Variants in EXOC4 observed in about 807,000 individuals in gnomAD.
EXOC4 encodes SEC8-like 1.
EXOC4 carries 71 observed loss-of-function variants against 107.2 expected under a neutral mutation model. The observed-to-expected ratio is 0.66, with a 90% confidence interval of 0.55 to 0.81. The LOEUF (loss-of-function observed/expected upper bound fraction) is 0.81, where lower values mean the gene tolerates loss of function less well. Ranked by LOEUF, EXOC4 falls within the 30% of genes least tolerant of loss-of-function variation. EXOC4 has a pLI of 0.00. For synonymous variants in EXOC4, 456 were observed against 441.2 expected (o/e 1.03, Z -0.42); for missense variants, 1,108 against 1,189.6 (o/e 0.93, Z 1.01).
intron 9 of EXOC4, among the ~76,000 whole-genome samples, chr7:133,570,587 G>A (rs1801002771): frequency 6.6e-6 from 1 of 152,162 alleles, no homozygotes; most frequent in African/African-American, 2.4e-5. Context: ...GATGCAGATG[G>A]CTCTTGTGGC....
chr7:133,988,725 A>G (rs1376555608), intron 14 of EXOC4, among the ~76,000 whole-genome samples: 1 of 152,180 alleles, frequency 6.6e-6, no homozygotes, highest in Non-Finnish European at 1.5e-5. Flanking sequence ...ATCATGAGAC[A>G]GCATGATATG....
chr7:133,375,540 A>G (rs545512598), intron 7 of EXOC4, among the ~76,000 whole-genome samples: 1 of 152,186 alleles, frequency 6.6e-6, no homozygotes, highest in African/African-American at 2.4e-5. Flanking sequence ...GCATATTCTC[A>G]ATATGTATAG....
chr7:133,420,953 A>G (rs962242357), intron 7 of EXOC4, among the ~76,000 whole-genome samples: 2 of 150,810 alleles, frequency 1.3e-5, no homozygotes, highest in South Asian at 2.1e-4. Flanking sequence ...GTAATTTCCT[A>G]ACTTGGGCTT....
chr7:133,758,434 C>T (rs1054220835), intron 10 of EXOC4, among the ~76,000 whole-genome samples: 4 of 152,154 alleles, frequency 2.6e-5, no homozygotes, highest in South Asian at 2.1e-4. Context: ...CCACCGTGCC[C>T]GGCCCATAGT....
At chr7:133,355,681 T>G (rs914779661) in intron 5 of EXOC4, among the ~76,000 whole-genome samples, 116 of 152,234 alleles carry the variant, frequency 7.6e-4, no homozygotes, top group African/African-American at 2.7e-3. Context: ...CAGAAGCCTT[T>G]CATGGATTAT....
At chr7:134,084,663 C>G in the EXOC4 span, among the ~76,000 whole-genome samples, 1 of 143,158 alleles carries the variant, frequency 7.0e-6, no homozygotes, top group Non-Finnish European at 1.5e-5. Context: ...TTTCCAAGTG[C>G]TCAAAGAGAG....
intron 5 of EXOC4, among the ~76,000 whole-genome samples, chr7:133,319,549 G>A (rs1795064030): frequency 6.6e-6 from 1 of 152,142 alleles, no homozygotes; most frequent in Non-Finnish European, 1.5e-5. Flanking sequence ...GAGTGCAGTG[G>A]TGCGATCTCG....
At chr7:133,424,184 C>A (rs552678272) in intron 7 of EXOC4, among the ~76,000 whole-genome samples, 1 of 152,274 alleles carries the variant, frequency 6.6e-6, no homozygotes, top group African/African-American at 2.4e-5. Context: ...CTTCCACGCT[C>A]TGGTAGCTTT....
chr7:133,705,042 A>C (rs998095332), intron 10 of EXOC4, among the ~76,000 whole-genome samples: 1 of 152,182 alleles, frequency 6.6e-6, no homozygotes, highest in Non-Finnish European at 1.5e-5. Flanking sequence ...ACTTAGCAGA[A>C]AAGCCGGGTA....
At chr7:133,454,906 C>T (rs1798428935) in intron 7 of EXOC4, among the ~76,000 whole-genome samples, 1 of 152,042 alleles carries the variant, frequency 6.6e-6, no homozygotes, top group African/African-American at 2.4e-5. Context: ...CAAGACAAGC[C>T]TGAGCAACGT....
chr7:133,718,379 T>C (rs887836446), intron 10 of EXOC4, among the ~76,000 whole-genome samples: 1 of 152,190 alleles, frequency 6.6e-6, no homozygotes, highest in Non-Finnish European at 1.5e-5. Context: ...TGTCAGCTGC[T>C]TTCCTAGTAC....
At chr7:133,575,291 C>T (rs1302463628) in intron 9 of EXOC4, among the ~76,000 whole-genome samples, 1 of 152,154 alleles carries the variant, frequency 6.6e-6, no homozygotes, top group African/African-American at 2.4e-5. Context: ...CTTCAGCACA[C>T]ATTTATTTAC....
intron 6 of EXOC4, among the ~76,000 whole-genome samples, chr7:133,365,382 T>G (rs1451467329): frequency 6.6e-6 from 1 of 152,170 alleles, no homozygotes; most frequent in East Asian, 1.9e-4. Flanking sequence ...GATACTTTAA[T>G]TCAAAGAAAT....
At chr7:133,283,134 C>T (rs892648219) in intron 2 of EXOC4, among the ~76,000 whole-genome samples, 5 of 152,176 alleles carry the variant, frequency 3.3e-5, no homozygotes, top group East Asian at 1.9e-4. Flanking sequence ...GAGACAGGGT[C>T]GCACTCTGTT....
the EXOC4 span, among the ~76,000 whole-genome samples, chr7:134,092,063 G>C: frequency 6.6e-6 from 1 of 152,194 alleles, no homozygotes; most frequent in Admixed American, 6.5e-5. Context: ...AAGCATTTTG[G>C]ATAAGGGATA....
Position 133,358,999 on chromosome 7 carries a change from G to A in EXOC4, c.1007+2426G>A, listed in dbSNP as rs1796083214. 4.6e-5 allele frequency among the ~76,000 whole-genome samples: 7 copies of A among 152,182 alleles called. No homozygotes were observed. In the South Asian group the frequency reaches 1.4e-3, roughly 32 times the overall value. ...GGCAGGATATATTGGACACTAACAA[G>A]TGAATGAGCTGTTTGCCTTGGCTGT... On this transcript the variant is annotated intron_variant, in intron 6 of 17. Transcript: ENST00000253861.
At chr7:133,423,772 G>A (rs576391434) in intron 7 of EXOC4, among the ~76,000 whole-genome samples, 18 of 152,234 alleles carry the variant, frequency 1.2e-4, no homozygotes, top group African/African-American at 4.3e-4. Context: ...AGGGGCCAGC[G>A]CTGCGCGCAG....
chr7:133,845,036 A>G (rs1798096363), intron 11 of EXOC4, among the ~76,000 whole-genome samples: 1 of 152,188 alleles, frequency 6.6e-6, no homozygotes, highest in African/African-American at 2.4e-5. Context: ...TGAAATTTGT[A>G]TGTATAAGTA....
intron 11 of EXOC4, among the ~76,000 whole-genome samples, chr7:133,849,019 T>G (rs1295687562): frequency 6.6e-6 from 1 of 152,230 alleles, no homozygotes; most frequent in Non-Finnish European, 1.5e-5. Context: ...TTTTACATGT[T>G]AATGGAGGCC....
Sources: gnomAD v4.1 joint callset for allele counts (sites outside exome capture counted in the v4.1 genomes callset) on GRCh38, gnomAD v4.1.1 for gene constraint, MANE v1.5 for transcripts, NCBI Gene and HGNC (gene_info 2026-07-23, HGNC 2026-07-21) for gene names.